PICK1: variants seen among roughly 807,000 people sequenced by gnomAD.
PICK1 encodes the protein protein interacting with PRKCA 1.
In PICK1, 23 loss-of-function variants were observed where a neutral mutation model predicts 48.9. The ratio of observed to expected loss-of-function variants is 0.47; its 90% CI spans 0.34 to 0.67. The LOEUF is 0.67. Among genes scored for constraint, PICK1 ranks in the 30% least tolerant of loss-of-function variants. PICK1 has a pLI of 0.01. For missense variants in PICK1, 423 were observed against 557.1 expected (o/e 0.76, Z 2.42); for synonymous variants, 217 against 228.2 (o/e 0.95, Z 0.44).
In PICK1 at chr22:38,074,512, G is replaced by A. The variant is rs1601961648; in HGVS notation, c.979+61G>A. On this transcript the variant is annotated intron_variant, in intron 12 of 12. Coordinates refer to ENST00000356976, the MANE Select transcript of PICK1 (RefSeq NM_012407.4). The surrounding 1 kb of genome is among the most constrained non-coding windows in gnomAD (Gnocchi z 4.5). ...TCAGAGGTGGGAAAACTGAGGCCCAGAGGGGTACTCTCAGGGCCAGGCCAC... is the reference window on the plus strand; with the variant it reads ...TCAGAGGTGGGAAAACTGAGGCCCAAAGGGGTACTCTCAGGGCCAGGCCAC... 2 of 1,598,866 alleles carry A rather than the reference G, an allele frequency of 1.3e-6. No homozygotes were observed. The highest frequency in any genetic ancestry group is 4.5e-5 in the East Asian group (2 of 44,120).
chr22:38,073,969 G>C lies in PICK1; in HGVS notation c.834+146G>C. The C allele has an allele frequency of 1.2e-6, 1 of 819,074 alleles. No homozygotes were observed. The highest frequency in any genetic ancestry group is 2.0e-6 in the Non-Finnish European group (1 of 494,772). 50.7% of individuals were successfully genotyped at this position (819,074 alleles called of 1,614,324 possible). ...GATTTAGGGCCATCTTCCCAGTCCC[G>C]CTCGCTGGGCCTCGGGGTGCTGGGC... On this transcript the variant is annotated intron_variant, in intron 11 of 12. Coordinates refer to ENST00000356976, the MANE Select transcript of PICK1 (RefSeq NM_012407.4). The surrounding 1 kb of genome is among the most constrained non-coding windows in gnomAD (Gnocchi z 5.7).
At chr22:38,071,324 A>G (rs2085684931) in intron 7 of PICK1, among the ~76,000 whole-genome samples, 1 of 152,204 alleles carries the variant, frequency 6.6e-6, no homozygotes, top group Admixed American at 6.5e-5. Context: ...AGTCTGGGCA[A>G]TAGAGCAAGA....
At position 38,073,298 on chromosome 22, in the gene PICK1, G is replaced by T. The variant is rs2085748334; in HGVS notation, c.783+206G>T. On this transcript the variant is annotated intron_variant, in intron 10 of 12. Transcript: ENST00000356976. The surrounding 1 kb of genome is among the most constrained non-coding windows in gnomAD (Gnocchi z 5.7). ...CATCTGAGAGCCTGGGGCGGGCATG[G>T]CTCTCGCTGTGTGCACTCTGACCCC... Among the ~76,000 whole-genome samples, 1 of 152,258 alleles carries T rather than the reference G, an allele frequency of 6.6e-6. No homozygotes were observed. Among genetic ancestry groups the T allele is most frequent in the South Asian group, 2.1e-4 (1 of 4,834 alleles).
chr22:38,074,174 C>T lies in PICK1; in HGVS notation c.835-133C>T. ...GGTTTTTTCCTCTCTTCAAAGCTAT[C>T]ACTGAGTGCTTCTGAGAAACACTGA... On this transcript the variant is annotated intron_variant, in intron 11 of 12. Coordinates refer to ENST00000356976, the MANE Select transcript of PICK1 (RefSeq NM_012407.4). The surrounding 1 kb of genome is among the most constrained non-coding windows in gnomAD (Gnocchi z 4.5). The T allele has an allele frequency of 9.1e-7, 1 of 1,101,760 alleles. No individual in the cohort carries two copies. Among genetic ancestry groups the T allele is most frequent in the East Asian group, 2.5e-5 (1 of 40,348 alleles). 68.2% of individuals were successfully genotyped at this position (1,101,760 alleles called of 1,614,324 possible).
In PICK1 at chr22:38,075,035, A is replaced by C. The variant is rs1242082785; in HGVS notation, c.1151A>C (p.Glu384Ala). 2 of 1,613,230 alleles carry C rather than the reference A, an allele frequency of 1.2e-6. No individual in the cohort carries two copies. Among genetic ancestry groups the C allele is most frequent in the East Asian group, 2.2e-5 (1 of 44,864 alleles). The change falls in exon 13 of 13, where the codon GAG becomes GCG. Residue 384 changes from glutamate (E) to alanine (A), a missense_variant. Glu to Ala is a moderately radical substitution (Grantham distance 107). Coordinates refer to ENST00000356976, the MANE Select transcript of PICK1 (RefSeq NM_012407.4). ...GAGGAGTTCACAGATGGGGAGGAGG[A>C]GGAGGAGGAGGAAGACACGGCAGCT... The part of the protein sequence containing the change: ...NQEEFTDGEE[E>A]EEEEDTAAGE...
intron 6 of PICK1, among the ~76,000 whole-genome samples, chr22:38,069,960 AAAC>A (rs1318783351): frequency 2.6e-5 from 4 of 152,358 alleles, no homozygotes; most frequent in East Asian, 1.9e-4. Context: ...ACCCAGCTAA[AAAC>A]AACAACACGA....
chr22:38,062,544 G>A (rs149610473), intron 3 of PICK1, among the ~76,000 whole-genome samples: 2 of 152,166 alleles, frequency 1.3e-5, no homozygotes, highest in African/African-American at 2.4e-5. Flanking sequence ...CACCATGCCC[G>A]GCCCCATTTT....
intron 4 of PICK1, among the ~76,000 whole-genome samples, chr22:38,065,728 G>A (rs745399325): frequency 1.1e-4 from 16 of 152,192 alleles, no homozygotes; most frequent in Non-Finnish European, 1.9e-4. Flanking sequence ...AATGGCAGGC[G>A]GCATCCCGGC....
chr22:38,066,139 TG>T lies in PICK1; in HGVS notation c.282+1013del, dbSNP rs1211535846. ...TTTAGCCATAGGACAAATCAGGGCC[TG>T]GGGCTGGGGCTCAGAGCTCTGTTGT... On this transcript the variant is annotated intron_variant, in intron 4 of 12. Transcript: ENST00000356976. This position sits in a 1 kb window ranked among gnomAD's most constrained non-coding sequence, Gnocchi z 4.1. Among the ~76,000 whole-genome samples, 2 of 152,256 alleles carry T rather than the reference TG, an allele frequency of 1.3e-5. No homozygotes were observed. Among genetic ancestry groups the T allele is most frequent in the Non-Finnish European group, 2.9e-5 (2 of 68,008 alleles).
rs2085692507 is a variant in PICK1 at position 38,071,533 on chromosome 22, C to T, written c.494-149C>T. On this transcript the variant is annotated intron_variant, in intron 7 of 12. Transcript: ENST00000356976. ...CGGGTTGGGTCGGACTGAGCTTTTA[C>T]CCCTGGGCTGTGGTTGGGCGGTGGG... The T allele has an allele frequency of 6.4e-6, 5 of 778,158 alleles. No individual in the cohort carries two copies. In the South Asian group the frequency reaches 6.9e-5, roughly 11 times the overall value. 48.2% of individuals were successfully genotyped at this position (778,158 alleles called of 1,614,324 possible).
At chr22:38,063,225 T>C (rs952710386) in intron 3 of PICK1, among the ~76,000 whole-genome samples, 1 of 151,952 alleles carries the variant, frequency 6.6e-6, no homozygotes, top group African/African-American at 2.4e-5. Context: ...GGTGCGATCA[T>C]GGCTCACTGC....
intron 5 of PICK1, among the ~76,000 whole-genome samples, chr22:38,068,670 C>T (rs1465477035): frequency 6.6e-6 from 1 of 152,210 alleles, no homozygotes; most frequent in Non-Finnish European, 1.5e-5. Context: ...TCTCCCCCTC[C>T]CCTTTATGTG....
In PICK1 at chr22:38,072,488, G is replaced by A. The variant is rs370494530; in HGVS notation, c.568G>A (p.Val190Met). 72 of 1,613,026 alleles carry A rather than the reference G, an allele frequency of 4.5e-5. No homozygotes were observed. Among genetic ancestry groups the A allele is most frequent in the Non-Finnish European group, 5.4e-5 (64 of 1,180,034 alleles). Reference protein sequence around the residue: ...LSQTHRAFGDVFSVIGVREPQ... With the variant: ...LSQTHRAFGDMFSVIGVREPQ... ...AACTTGTCCTGCAGCCTTTGGGGAC[G>A]TGTTCTCCGTGATCGGGGTGCGGGA... Residue 190 changes from valine (V) to methionine (M), a missense_variant, in exon 9 of 13, where the codon GTG becomes ATG. Val to Met is a conservative substitution (Grantham distance 21). Around this residue, in one of 2 missense-constraint regions of PICK1, gnomAD observed 279 missense variants for 417.8 expected, o/e 0.67. Coordinates refer to ENST00000356976, the MANE Select transcript of PICK1 (RefSeq NM_012407.4).
At chr22:38,070,554 C>T (rs1043827739) in intron 6 of PICK1, among the ~76,000 whole-genome samples, 7 of 152,224 alleles carry the variant, frequency 4.6e-5, no homozygotes, top group Non-Finnish European at 1.0e-4. Flanking sequence ...ATTCCTATGG[C>T]CCCTGCCAGC....
chr22:38,075,000 C>G lies in PICK1; in HGVS notation c.1116C>G (p.Gly372=). ...VDLAHTTLAY[G]LNQEEFTDGE... ...TGGCGCACACCACATTGGCCTATGG[C>G]CTCAACCAGGAGGAGTTCACAGATG... The change falls in exon 13 of 13, where the codon GGC becomes GGG. Residue 372 remains glycine, a synonymous_variant. Transcript: ENST00000356976. The surrounding 1 kb of genome is among the most constrained non-coding windows in gnomAD (Gnocchi z 4.5). The G allele has an allele frequency of 6.2e-7, 1 of 1,613,670 alleles. No homozygotes were observed. The highest frequency in any genetic ancestry group is 8.5e-7 in the Non-Finnish European group (1 of 1,180,020).
At position 38,074,171 on chromosome 22, in the gene PICK1, T is replaced by G. The variant is rs1194570460; in HGVS notation, c.835-136T>G. 2 of 1,069,978 alleles carry G rather than the reference T, an allele frequency of 1.9e-6. No homozygotes were observed. The highest frequency in any genetic ancestry group is 1.4e-5 in the South Asian group (1 of 71,286). 66.3% of individuals were successfully genotyped at this position (1,069,978 alleles called of 1,614,324 possible). ...TTTGGTTTTTTCCTCTCTTCAAAGC[T>G]ATCACTGAGTGCTTCTGAGAAACAC... On this transcript the variant is annotated intron_variant, in intron 11 of 12. Coordinates refer to ENST00000356976, the MANE Select transcript of PICK1 (RefSeq NM_012407.4). This position sits in a 1 kb window ranked among gnomAD's most constrained non-coding sequence, Gnocchi z 4.5.
Position 38,074,387 on chromosome 22 carries a change from C to G in PICK1, c.915C>G (p.Arg305=). 1 of 1,613,010 alleles carries G rather than the reference C, an allele frequency of 6.2e-7. No homozygotes were observed. Among genetic ancestry groups the G allele is most frequent in the South Asian group, 1.1e-5 (1 of 91,086 alleles). ...TCCTGCGCTGCCGCCAGGAGGCGCGCGCCCGCTTCTCCCAGATGCGCAAGG... is the reference window on the plus strand; with the variant it reads ...TCCTGCGCTGCCGCCAGGAGGCGCGGGCCCGCTTCTCCCAGATGCGCAAGG... ...RLILRCRQEA[R]ARFSQMRKDV... is the part of the protein sequence containing the mutation. Residue 305 remains arginine (R), a synonymous_variant, in exon 12 of 13, where the codon CGC becomes CGG. Coordinates refer to ENST00000356976, the MANE Select transcript of PICK1 (RefSeq NM_012407.4). This position sits in a 1 kb window ranked among gnomAD's most constrained non-coding sequence, Gnocchi z 4.5.
At chr22:38,071,909 G>C (rs2085706513) in intron 8 of PICK1, 165 bp downstream of exon 8, 2 of 697,866 alleles carry the variant, frequency 2.9e-6, no homozygotes, top group South Asian at 1.5e-5. Flanking sequence ...GGAACATCTA[G>C]ATCAGCTGGT....
chr22:38,058,816 C>T (rs193281158), intron 2 of PICK1, among the ~76,000 whole-genome samples: 120 of 152,134 alleles, frequency 7.9e-4, no homozygotes, highest in African/African-American at 2.7e-3. Context: ...ACCAGCCTGG[C>T]CAACATGGTG....
Sources: allele counts gnomAD v4.1 joint callset (sites outside exome capture counted in the v4.1 genomes callset), GRCh38; gene constraint gnomAD v4.1.1; regional missense constraint gnomAD v4.1.1; non-coding constraint Gnocchi (gnomAD v3.1); transcripts MANE v1.5; gene names NCBI Gene and HGNC (gene_info 2026-07-23, HGNC 2026-07-21).